NEO1: variants seen among roughly 807,000 people sequenced by gnomAD.
NEO1 encodes neogenin 1.
A neutral mutation model predicts 159.7 loss-of-function variants in NEO1; 63 were observed. The observed-to-expected ratio is 0.39, with a 90% CI of 0.32 to 0.49. NEO1 has a LOEUF of 0.49. Among genes scored for constraint, NEO1 ranks in the 20% least tolerant of loss-of-function variants. The probability of loss-of-function intolerance (pLI) is 0.85; values close to 1 mark genes in which losing one functional copy is unlikely to be tolerated. For missense variants in NEO1, 1,615 were observed against 1,831.0 expected, an observed-to-expected ratio of 0.88 and a Z score of 2.15; for synonymous variants, 633 against 662.0, an observed-to-expected ratio of 0.96 and a Z score of 0.67.
intron 5 of NEO1, among the ~76,000 whole-genome samples, chr15:73,159,144 G>C (rs111984749): frequency 1.3e-5 from 2 of 152,120 alleles, no homozygotes; most frequent in African/African-American, 4.8e-5. Flanking sequence ...TGTACAAAAT[G>C]AGTAGTTATT....
chr15:73,176,174 A>C (rs1270714209), intron 5 of NEO1, among the ~76,000 whole-genome samples: 2 of 152,226 alleles, frequency 1.3e-5, no homozygotes, highest in African/African-American at 4.8e-5. Context: ...AAACTCAGAA[A>C]TTATCTTTAA....
rs1463014616 is a variant in NEO1, at chr15:73,254,835, C to A, written c.2092+6C>A. The A allele has an allele frequency of 2.5e-6, 4 of 1,609,570 alleles. No individual in the cohort carries two copies. The highest frequency in any genetic ancestry group is 3.4e-6 in the Non-Finnish European group (4 of 1,178,546). ...GCTGTCTCAGCTGATTGAAGGTAAGCTACCGTGCACAAAGGCAAAAGGTAC... is the reference window on the plus strand; with the variant it reads ...GCTGTCTCAGCTGATTGAAGGTAAGATACCGTGCACAAAGGCAAAAGGTAC... On this transcript the variant is annotated splice_donor_region_variant and intron_variant, in intron 13 of 28. Transcript: ENST00000261908.
chr15:73,143,985 A>G (rs2151797468), intron 5 of NEO1, among the ~76,000 whole-genome samples: 1 of 152,364 alleles, frequency 6.6e-6, no homozygotes, highest in Middle Eastern at 3.4e-3. Context: ...AAATCATAGT[A>G]GGTTATTAAC....
Position 73,253,391 on chromosome 15 carries a change from T to C in NEO1, c.1895-9T>C, listed in dbSNP as rs2623989. The stretch of plus-strand genomic sequence containing the variant: ...AAAAAAAATTTTTTTTTTTTTTTTG[T>C]TTCTCTAGTTCCCAGTGCTGCTCCT... On this transcript the variant is annotated splice_polypyrimidine_tract_variant and intron_variant, in intron 11 of 28. Transcript: ENST00000261908. The C allele has an allele frequency of 0.91, 1,378,121 of 1,507,592 alleles. 633,866 individuals are homozygous for C. Among genetic ancestry groups the C allele is most frequent in the Non-Finnish European group, 0.94 (1,058,521 of 1,129,130 alleles). The allele number at this position is 1,507,592 out of a possible 1,614,324, so 93.4% of individuals were successfully genotyped here.
intron 7 of NEO1, among the ~76,000 whole-genome samples, chr15:73,204,837 T>G (rs1410180958): frequency 6.6e-6 from 1 of 152,180 alleles, no homozygotes; most frequent in Non-Finnish European, 1.5e-5. Flanking sequence ...GAAAGCTTGG[T>G]GTCTTGTATG....
Position 73,249,646 on chromosome 15 carries a change from T to G in NEO1, c.1819T>G (p.Phe607Val). ...GTTGAAAAAATATACAGAGTATAGT[T>G]TCCGAGTGGTGGCCTACAATAAACA... ...NGLKKYTEYS[F>V]RVVAYNKHGP... The change falls in exon 11 of 29, where the codon TTC (phenylalanine) becomes GTC (valine). Residue 607 changes from phenylalanine to valine, a missense_variant. Coordinates refer to ENST00000261908, the MANE Select transcript of NEO1 (RefSeq NM_002499.4). 6.2e-7 allele frequency: 1 copy of G among 1,613,902 alleles called. No individual in the cohort carries two copies. Among genetic ancestry groups the G allele is most frequent in the South Asian group, 1.1e-5 (1 of 91,030 alleles).
At chr15:73,069,202 T>C (rs2151303551) in intron 1 of NEO1, among the ~76,000 whole-genome samples, 1 of 149,492 alleles carries the variant, frequency 6.7e-6, no homozygotes, top group Non-Finnish European at 1.5e-5. Flanking sequence ...GCTTAAGCGA[T>C]CCTCCCTTCT....
chr15:73,301,447 A>T lies in NEO1; in HGVS notation c.4292A>T (p.Asp1431Val). The change falls in exon 28 of 29, where the codon GAC (aspartate) becomes GTC (valine). Residue 1431 changes from aspartate (D) to valine (V), a missense_variant. Physicochemically the swap from Asp to Val is radical, Grantham distance 152. Around this residue, in one of 3 missense-constraint regions of NEO1, gnomAD observed 471 missense variants for 498.9 expected, o/e 0.94. Transcript: ENST00000261908. ...EVQETTRMLE[D>V]SESSYEPDEL... ...CAGGAGACCACAAGGATGTTGGAAGACTCCGAGAGTGTAAGTTCGTGGGGC... is the reference window on the plus strand; with the variant it reads ...CAGGAGACCACAAGGATGTTGGAAGTCTCCGAGAGTGTAAGTTCGTGGGGC... The T allele has an allele frequency of 1.9e-6, 3 of 1,613,868 alleles. No homozygotes were observed. Among genetic ancestry groups the T allele is most frequent in the Non-Finnish European group, 2.5e-6 (3 of 1,179,972 alleles).
At chr15:73,268,008 C>T (rs769738511) in intron 16 of NEO1, among the ~76,000 whole-genome samples, 1 of 152,096 alleles carries the variant, frequency 6.6e-6, no homozygotes, top group African/African-American at 2.4e-5. Flanking sequence ...AGGAAGAGTA[C>T]ATCCTTGAGT....
intron 1 of NEO1, among the ~76,000 whole-genome samples, chr15:73,112,108 A>C (rs1372416500): frequency 6.6e-6 from 1 of 152,142 alleles, no homozygotes; most frequent in Non-Finnish European, 1.5e-5. Context: ...ATGCCCATAT[A>C]ATCATATACA....
chr15:73,068,525 C>T (rs542681021), intron 1 of NEO1, among the ~76,000 whole-genome samples: 27 of 152,186 alleles, frequency 1.8e-4, no homozygotes, highest in African/African-American at 6.5e-4. Flanking sequence ...TTCTGTCCCT[C>T]ATCTCTAATC....
At chr15:73,218,953 G>A (rs1167001405) in intron 7 of NEO1, among the ~76,000 whole-genome samples, 2 of 151,770 alleles carry the variant, frequency 1.3e-5, no homozygotes, top group African/African-American at 4.8e-5. Flanking sequence ...GTTATTTCTT[G>A]CCTTCTGCTA....
At chr15:73,245,904 A>C (rs12050848) in intron 9 of NEO1, among the ~76,000 whole-genome samples, 66,787 of 151,912 alleles carry the variant, frequency 0.44, 15,715 homozygotes, top group Admixed American at 0.53. Context: ...CTTCAGTCTA[A>C]TTTTATTATT....
intron 7 of NEO1, among the ~76,000 whole-genome samples, chr15:73,183,775 ACT>A (rs569074856): frequency 2.6e-5 from 4 of 151,942 alleles, no homozygotes; most frequent in Admixed American, 6.6e-5. Flanking sequence ...AGAGAGAGAA[ACT>A]CTCTGGCTCC....
At chr15:73,288,689 T>A in intron 24 of NEO1, 138 bp downstream of exon 24, 1 of 721,614 alleles carries the variant, frequency 1.4e-6, no homozygotes, top group Non-Finnish European at 2.3e-6. Flanking sequence ...ATGATAAGAT[T>A]TGGGAACATA....
intron 3 of NEO1, among the ~76,000 whole-genome samples, chr15:73,126,034 G>T (rs2030178332): frequency 6.6e-6 from 1 of 152,166 alleles, no homozygotes; most frequent in African/African-American, 2.4e-5. Flanking sequence ...GTACCCTGAA[G>T]GCAGGAGCAA....
intron 5 of NEO1, among the ~76,000 whole-genome samples, chr15:73,174,976 T>C (rs970816176): frequency 5.3e-5 from 8 of 152,190 alleles, no homozygotes; most frequent in Non-Finnish European, 8.8e-5. Context: ...TGGGGGAGGT[T>C]CTGCTTGACT....
At chr15:73,266,992 T>C (rs1259844399) in intron 16 of NEO1, among the ~76,000 whole-genome samples, 1 of 152,114 alleles carries the variant, frequency 6.6e-6, no homozygotes, top group Non-Finnish European at 1.5e-5. Context: ...GGTGCAGTGG[T>C]TCATGCCTGT....
At chr15:73,117,605 C>G (rs2151621625) in intron 2 of NEO1, among the ~76,000 whole-genome samples, 1 of 152,318 alleles carries the variant, frequency 6.6e-6, no homozygotes, top group East Asian at 1.9e-4. Context: ...ACGTGTGAGA[C>G]AGAACCTCAG....
Sources: allele counts gnomAD v4.1 joint callset (sites outside exome capture counted in the v4.1 genomes callset), GRCh38; gene constraint gnomAD v4.1.1; regional missense constraint gnomAD v4.1.1; transcripts MANE v1.5; gene names NCBI Gene and HGNC (gene_info 2026-07-23, HGNC 2026-07-21).